The following DACH1 variants were observed in gnomAD, a reference collection of about 807,000 sequenced individuals.
DACH1 encodes dachshund family transcription factor 1.
DACH1 carries 12 observed loss-of-function variants against 54.2 expected under a neutral mutation model. The ratio of observed to expected loss-of-function variants is 0.22; its 90% CI spans 0.14 to 0.36. The LOEUF (loss-of-function observed/expected upper bound fraction) is 0.36. DACH1 is among the 10% of genes least tolerant of loss of function. The pLI is 1.00. For missense variants in DACH1, 805 were observed against 929.8 expected (o/e 0.87, Z 1.75); for synonymous variants, 386 against 366.2 (o/e 1.05, Z -0.62).
At chr13:71,708,853 T>TG (rs1555313234) in intron 1 of DACH1, among the ~76,000 whole-genome samples, 1 of 4,998 alleles carries the variant, frequency 2.0e-4, no homozygotes, top group Non-Finnish European at 1.3e-3. Flanking sequence ...TTTTTTGTTG[T>TG]TTTTTTTTTT....
intron 10 of DACH1, among the ~76,000 whole-genome samples, chr13:71,453,552 C>T (rs1343035333): frequency 1.3e-5 from 2 of 152,078 alleles, no homozygotes; most frequent in East Asian, 3.9e-4. Flanking sequence ...CTTGTCAAAG[C>T]CTAGTTATTT....
intron 1 of DACH1, among the ~76,000 whole-genome samples, chr13:71,865,038 CT>C (rs2138303941): frequency 6.6e-6 from 1 of 152,246 alleles, no homozygotes; most frequent in African/African-American, 2.4e-5. Flanking sequence ...CGCTCCGTGG[CT>C]TTCCTTCCTA....
rs1886548049 is a variant in DACH1 at position 71,785,346 on chromosome 13, G to A, written c.848+80576C>T. 1.3e-5 allele frequency among the ~76,000 whole-genome samples: 2 copies of A among 152,132 alleles called. 1 individual carries two copies. The highest frequency in any genetic ancestry group is 3.8e-4 in the East Asian group (2 of 5,200). ...AAGTAAATTCTTGTTAGCTGTAAAT[G>A]TGATTGCTGTTAAGATTTAAAAAGC... On this transcript the variant is annotated intron_variant, in intron 1 of 10. Coordinates refer to ENST00000613252, the MANE Select transcript of DACH1 (RefSeq NM_080759.6).
At chr13:71,836,792 T>G (rs1888803525) in intron 1 of DACH1, among the ~76,000 whole-genome samples, 1 of 152,018 alleles carries the variant, frequency 6.6e-6, no homozygotes. Flanking sequence ...CCCCAAGCTC[T>G]CTCACTCTGT....
intron 1 of DACH1, among the ~76,000 whole-genome samples, chr13:71,731,323 G>A (rs563821597): frequency 9.8e-4 from 133 of 136,310 alleles, no homozygotes; most frequent in African/African-American, 3.6e-3. Context: ...ACAGAGTCTC[G>A]CTCTGTCGCC....
intron 1 of DACH1, among the ~76,000 whole-genome samples, chr13:71,727,928 T>C (rs1174495636): frequency 6.6e-6 from 1 of 152,080 alleles, no homozygotes; most frequent in African/African-American, 2.4e-5. Flanking sequence ...TAGATCTTAA[T>C]TTCAGTGGCA....
chr13:71,853,106 C>T (rs528036047), intron 1 of DACH1, among the ~76,000 whole-genome samples: 8 of 152,192 alleles, frequency 5.3e-5, no homozygotes, highest in South Asian at 2.1e-4. Flanking sequence ...CAGCTTAGGG[C>T]GATATGAAAA....
chr13:71,617,435 G>A (rs908610919), intron 3 of DACH1, among the ~76,000 whole-genome samples: 2 of 152,068 alleles, frequency 1.3e-5, no homozygotes, highest in Non-Finnish European at 2.9e-5. Context: ...ATGAGTTTAT[G>A]ATACAGAAAT....
intron 1 of DACH1, among the ~76,000 whole-genome samples, chr13:71,722,321 T>C (rs948600172): frequency 6.6e-6 from 1 of 152,216 alleles, no homozygotes; most frequent in African/African-American, 2.4e-5. Context: ...CTTCTTTCCT[T>C]CTTTTAGAAA....
chr13:71,627,500 T>C (rs1392853078), intron 3 of DACH1, among the ~76,000 whole-genome samples: 1 of 152,094 alleles, frequency 6.6e-6, no homozygotes, highest in Non-Finnish European at 1.5e-5. Flanking sequence ...AGGGTTTCAC[T>C]ACTTCAAAGA....
At chr13:71,596,592 T>C (rs745569594) in intron 3 of DACH1, among the ~76,000 whole-genome samples, 3 of 152,134 alleles carry the variant, frequency 2.0e-5, no homozygotes, top group Non-Finnish European at 4.4e-5. Context: ...TTTATGAAAA[T>C]TCAAGACAAT....
chr13:71,601,080 T>A (rs187914574), intron 3 of DACH1, among the ~76,000 whole-genome samples: 1 of 152,226 alleles, frequency 6.6e-6, no homozygotes, highest in African/African-American at 2.4e-5. Context: ...TTGCTTTTTA[T>A]TCTCTATCTA....
chr13:71,772,534 T>C (rs980455327), intron 1 of DACH1, among the ~76,000 whole-genome samples: 1 of 151,744 alleles, frequency 6.6e-6, no homozygotes, highest in Non-Finnish European at 1.5e-5. Context: ...ATCATTAGCA[T>C]CACTTTAATC....
chr13:71,607,465 C>G (rs990300394), intron 3 of DACH1, among the ~76,000 whole-genome samples: 5 of 151,948 alleles, frequency 3.3e-5, no homozygotes, highest in African/African-American at 7.2e-5. Context: ...ATCGCTGTTA[C>G]ATGGAAAAAA....
Position 71,835,802 on chromosome 13 carries a change from AC to A in DACH1, c.848+30119del, listed in dbSNP as rs1338236473. Among the ~76,000 whole-genome samples, 3 of 112,714 alleles carry A rather than the reference AC, an allele frequency of 2.7e-5. No homozygotes were observed. The East Asian group carries it at 6.1e-4, about 23-fold the overall frequency. 73.9% of individuals were successfully genotyped at this position (112,714 alleles called of 152,430 possible). On this transcript the variant is annotated intron_variant, in intron 1 of 10. Coordinates refer to ENST00000613252, the MANE Select transcript of DACH1 (RefSeq NM_080759.6). ...AAAGTCAATCTTCTAGCAAACAACAACAAAAAAATCACTTTAAAGAAGTTTA... is the reference window on the plus strand; with the variant it reads ...AAAGTCAATCTTCTAGCAAACAACAAAAAAAAATCACTTTAAAGAAGTTTA...
intron 1 of DACH1, among the ~76,000 whole-genome samples, chr13:71,699,243 C>T (rs1296961554): frequency 6.6e-6 from 1 of 151,912 alleles, no homozygotes; most frequent in African/African-American, 2.4e-5. Context: ...AATACTATGT[C>T]AAAAACTTCT....
At chr13:71,825,068 T>G (rs564794026) in intron 1 of DACH1, among the ~76,000 whole-genome samples, 6 of 152,212 alleles carry the variant, frequency 3.9e-5, no homozygotes, top group African/African-American at 1.4e-4. Flanking sequence ...ATTAATTTAT[T>G]AATTTTCACA....
At position 71,705,517 on chromosome 13, in the gene DACH1, C is replaced by T. The variant is rs553133331; in HGVS notation, c.849-23607G>A. 8.5e-5 allele frequency among the ~76,000 whole-genome samples: 13 copies of T among 152,208 alleles called. No homozygotes were observed. The South Asian group carries it at 2.5e-3, about 29-fold the overall frequency. ...CATTTAGAACTCATCATTAAAAAAT[C>T]ATTAAACATCATTAAAAATGAATTT... On this transcript the variant is annotated intron_variant, in intron 1 of 10. Transcript: ENST00000613252.
At position 71,866,526 on chromosome 13, in the gene DACH1, T is replaced by TGCCGCCGCCGCCGCCGCCGCCGCCGCC. The variant is rs748058171; in HGVS notation, c.243_244insGGCGGCGGCGGCGGCGGCGGCGGCGGC (p.Gly81_Ser82insGlyGlyGlyGlyGlyGlyGlyGlyGly). On this transcript the variant is annotated inframe_insertion, in exon 1 of 11. Coordinates refer to ENST00000613252, the MANE Select transcript of DACH1 (RefSeq NM_080759.6). The stretch of plus-strand genomic sequence containing the variant: ...CCGCTGCTGCCGCCGCCGCCTCCGC[T>TGCCGCCGCCGCCGCCGCCGCCGCCGCC]GCCGCCGCCGCCGCCGCCGCCGCCG... 2 of 1,214,084 alleles carry TGCCGCCGCCGCCGCCGCCGCCGCCGCC rather than the reference T, an allele frequency of 1.6e-6. No homozygotes were observed. Among genetic ancestry groups the TGCCGCCGCCGCCGCCGCCGCCGCCGCC allele is most frequent in the African/African-American group, 3.4e-5 (2 of 58,652 alleles). The allele number at this position is 1,214,084 out of a possible 1,614,324, so 75.2% of individuals were successfully genotyped here.
Sources: gnomAD v4.1 joint callset for allele counts (sites outside exome capture counted in the v4.1 genomes callset) on GRCh38, gnomAD v4.1.1 for gene constraint, MANE v1.5 for transcripts, NCBI Gene and HGNC (gene_info 2026-07-23, HGNC 2026-07-21) for gene names.